The following ATG2B variants were observed in gnomAD, a reference collection of about 807,000 sequenced individuals.
ATG2B encodes the protein autophagy-related protein 2 homolog B.
In ATG2B, 121 loss-of-function variants were observed where a neutral mutation model predicts 241.3. That is an observed-to-expected ratio of 0.50 (90% CI 0.43 to 0.58). The LOEUF (loss-of-function observed/expected upper bound fraction) is 0.58, where lower values mean the gene tolerates loss of function less well. Among genes scored for constraint, ATG2B ranks in the 20% least tolerant of loss-of-function variants. The pLI is 0.00. For synonymous variants in ATG2B, 858 were observed against 876.6 expected (o/e 0.98, Z 0.37); for missense variants, 2,306 against 2,491.6 (o/e 0.93, Z 1.59).
intron 1 of ATG2B, among the ~76,000 whole-genome samples, chr14:96,352,742 A>AT (rs1396050297): frequency 6.6e-6 from 1 of 152,130 alleles, no homozygotes; most frequent in Non-Finnish European, 1.5e-5. Context: ...AAGTTCAAAA[A>AT]TTTTTTTAAA....
intron 34 of ATG2B, among the ~76,000 whole-genome samples, chr14:96,298,541 AGCAGGTAAAC>A (rs1313284718): frequency 8.5e-5 from 13 of 152,258 alleles, no homozygotes; most frequent in Non-Finnish European, 1.3e-4. Flanking sequence ...AGTGTGAACC[AGCAGGTAAAC>A]AGATAAACCG....
chr14:96,348,728 C>T (rs1024108255), intron 1 of ATG2B, among the ~76,000 whole-genome samples: 3 of 151,284 alleles, frequency 2.0e-5, no homozygotes, highest in Non-Finnish European at 2.9e-5. Context: ...TGGCTACAGT[C>T]AATAATTTAT....
chr14:96,324,224 C>T (rs1158396882), intron 15 of ATG2B: 1 of 480,564 alleles, frequency 2.1e-6, no homozygotes, highest in Non-Finnish European at 3.6e-6. Flanking sequence ...AGGTACACTG[C>T]ATAAAGTACA....
In ATG2B at chr14:96,284,810, A is replaced by C. The variant is rs948141430; in HGVS notation, c.*945T>G. 3.3e-5 allele frequency: 5 copies of C among 152,240 alleles called. No individual in the cohort carries two copies. The highest frequency in any genetic ancestry group is 1.2e-4 in the African/African-American group (5 of 41,472). 9.4% of individuals were successfully genotyped at this position (152,240 alleles called of 1,614,324 possible). A position where few individuals can be genotyped will look rare whatever the true frequency, so the allele number is the denominator to read the frequency against. Reference sequence around the variant, plus strand: ...TTATCAAAATGTACACTGTTAACCAAGTAAAAATGGTATGCTGAAATAGTT... The same window carrying C: ...TTATCAAAATGTACACTGTTAACCACGTAAAAATGGTATGCTGAAATAGTT... On this transcript the variant is annotated 3_prime_UTR_variant, in exon 42 of 42. Coordinates refer to ENST00000359933, the MANE Select transcript of ATG2B (RefSeq NM_018036.7).
At position 96,283,186 on chromosome 14, in the gene ATG2B, TG is replaced by T. The variant is rs1886244148; in HGVS notation, c.*2568del. On this transcript the variant is annotated 3_prime_UTR_variant, in exon 42 of 42. Transcript: ENST00000359933. ...AACATGTCAGAACATTGTGGGGTCC[TG>T]CAACTTGCTGACAGATCTCGATGGA... 1 of 152,242 alleles carries T rather than the reference TG, an allele frequency of 6.6e-6. No individual in the cohort carries two copies. The highest frequency in any genetic ancestry group is 6.5e-5 in the Admixed American group (1 of 15,278). 9.4% of individuals were successfully genotyped at this position (152,242 alleles called of 1,614,324 possible).
chr14:96,324,015 A>T lies in ATG2B; in HGVS notation c.2438-17T>A, dbSNP rs780945325. On this transcript the variant is annotated splice_polypyrimidine_tract_variant and intron_variant, in intron 15 of 41. Coordinates refer to ENST00000359933, the MANE Select transcript of ATG2B (RefSeq NM_018036.7). ...GGAACGATCCTAAAAAAAAAGACTG[A>T]TTTACTGAAATGTGCTTCTTCTCAA... The T allele has an allele frequency of 6.0e-6, 9 of 1,511,210 alleles. No homozygotes were observed. Among genetic ancestry groups the T allele is most frequent in the Non-Finnish European group, 6.3e-6 (7 of 1,103,562 alleles). 93.6% of individuals were successfully genotyped at this position (1,511,210 alleles called of 1,614,324 possible). A position where few individuals can be genotyped will look rare whatever the true frequency, so the allele number is the denominator to read the frequency against.
chr14:96,291,846 T>G, intron 37 of ATG2B, 164 bp from the exon 38 acceptor site: 1 of 614,724 alleles, frequency 1.6e-6, no homozygotes, highest in South Asian at 3.1e-5. Flanking sequence ...TGACCCAATT[T>G]ATACCAAATT....
chr14:96,323,886 G>C lies in ATG2B; in HGVS notation c.2540+10C>G. On this transcript the variant is annotated intron_variant, in intron 16 of 41. Transcript: ENST00000359933. ...AAAATCCTATTAAACCTATGCATTT[G>C]CTTACTCACCGTGGCCAGTCAAAGT... 6.4e-7 allele frequency: 1 copy of C among 1,551,844 alleles called. No individual in the cohort carries two copies.
intron 15 of ATG2B, 37 bp downstream of exon 15, chr14:96,325,612 T>C (rs762046714): frequency 3.9e-5 from 61 of 1,578,736 alleles, no homozygotes; most frequent in Non-Finnish European, 5.2e-5. Context: ...TTGTTTGTTA[T>C]CTAGGATGGT....
At chr14:96,341,081 GTAGA>G (rs1430271216) in intron 6 of ATG2B, among the ~76,000 whole-genome samples, 1 of 151,942 alleles carries the variant, frequency 6.6e-6, no homozygotes, top group Non-Finnish European at 1.5e-5. Context: ...AAATAGATGG[GTAGA>G]TATTTTTACA....
chr14:96,294,720 G>A (rs1259856042), intron 36 of ATG2B, among the ~76,000 whole-genome samples: 1 of 152,202 alleles, frequency 6.6e-6, no homozygotes, highest in Non-Finnish European at 1.5e-5. Context: ...GAAGAAGCTA[G>A]AAGAAAAGGA....
intron 1 of ATG2B, among the ~76,000 whole-genome samples, chr14:96,348,886 T>C (rs1888240953): frequency 1.3e-5 from 2 of 152,158 alleles, no homozygotes; most frequent in African/African-American, 2.4e-5. Flanking sequence ...CCCATTAATA[T>C]ATATACCTAC....
chr14:96,311,971 G>A (rs748711258), intron 26 of ATG2B, 118 bp downstream of exon 26: 4 of 763,816 alleles, frequency 5.2e-6, no homozygotes, highest in East Asian at 5.3e-5. Context: ...TAATCTTTAA[G>A]GATCTTTAAT....
intron 14 of ATG2B, 99 bp downstream of exon 14, chr14:96,328,248 T>C (rs1190321370): frequency 2.8e-6 from 2 of 717,286 alleles, no homozygotes; most frequent in Non-Finnish European, 4.2e-6. Flanking sequence ...TTAATTATAC[T>C]GTTTAATCTA....
Position 96,308,282 on chromosome 14 carries a change from ATTT to A in ATG2B, c.4303+1168_4303+1170del, listed in dbSNP as rs71731196. ...CATATATATATATATATATATATAT[ATTT>A]TTTTTTTTTTTTTTTTTGAGACAGA... is the stretch of plus-strand genomic sequence containing the variant. On this transcript the variant is annotated intron_variant, in intron 29 of 41. Transcript: ENST00000359933. Among the ~76,000 whole-genome samples, 359 of 36,982 alleles carry A rather than the reference ATTT, an allele frequency of 9.7e-3. 24 individuals are homozygous for A. The highest frequency in any genetic ancestry group is 0.035 in the African/African-American group (335 of 9,590). 24.3% of individuals were successfully genotyped at this position (36,982 alleles called of 152,430 possible). A position where few individuals can be genotyped will look rare whatever the true frequency, so the allele number is the denominator to read the frequency against.
At chr14:96,303,432 T>C (rs1595299148) in intron 32 of ATG2B, among the ~76,000 whole-genome samples, 177 bp from the exon 33 acceptor site, 1 of 152,218 alleles carries the variant, frequency 6.6e-6, no homozygotes, top group East Asian at 1.9e-4. Context: ...CACTCATTTA[T>C]TAATCTACAG....
At position 96,290,206 on chromosome 14, in the gene ATG2B, C is replaced by T; in HGVS notation, c.5856+230G>A. 1 of 1,309,714 alleles carries T rather than the reference C, an allele frequency of 7.6e-7. No individual in the cohort carries two copies. The highest frequency in any genetic ancestry group is 9.7e-7 in the Non-Finnish European group (1 of 1,025,646). 81.1% of individuals were successfully genotyped at this position (1,309,714 alleles called of 1,614,324 possible). The stretch of plus-strand genomic sequence containing the variant: ...CAATCCTCTGCTAACTTAATGTTTA[C>T]AATTTACCTGAAATAGGCAAACAAA... On this transcript the variant is annotated intron_variant, in intron 40 of 41. Transcript: ENST00000359933. This position sits in a 1 kb window ranked among gnomAD's most constrained non-coding sequence, Gnocchi z 4.4.
At chr14:96,306,969 A>G in intron 29 of ATG2B, 53 bp from the exon 30 acceptor site, 1 of 1,436,140 alleles carries the variant, frequency 7.0e-7, no homozygotes, top group Non-Finnish European at 9.6e-7. Flanking sequence ...CAACAACAAC[A>G]AGCATTTTAA....
At position 96,289,554 on chromosome 14, in the gene ATG2B, G is replaced by T; in HGVS notation, c.6006+102C>A. Reference sequence around the variant, plus strand: ...AGTGGCAGTTGCCATTCTGCTCCCAGGGATTTCTACAGAATACATTTAAGC... The same window carrying T: ...AGTGGCAGTTGCCATTCTGCTCCCATGGATTTCTACAGAATACATTTAAGC... On this transcript the variant is annotated intron_variant, in intron 41 of 41. Transcript: ENST00000359933. The surrounding 1 kb of genome is among the most constrained non-coding windows in gnomAD (Gnocchi z 4.3). The T allele has an allele frequency of 1.4e-6, 2 of 1,409,684 alleles. No homozygotes were observed. The highest frequency in any genetic ancestry group is 1.9e-6 in the Non-Finnish European group (2 of 1,032,844). 87.3% of individuals were successfully genotyped at this position (1,409,684 alleles called of 1,614,324 possible). A position where few individuals can be genotyped will look rare whatever the true frequency, so the allele number is the denominator to read the frequency against.
Sources: allele counts gnomAD v4.1 joint callset (sites outside exome capture counted in the v4.1 genomes callset), GRCh38; gene constraint gnomAD v4.1.1; non-coding constraint Gnocchi (gnomAD v3.1); transcripts MANE v1.5; gene names NCBI Gene and HGNC (gene_info 2026-07-23, HGNC 2026-07-21).